TIAL1: variants seen among roughly 807,000 people sequenced by gnomAD.
TIAL1 encodes the protein nucleolysin TIAR.
TIAL1 carries 7 observed loss-of-function variants against 59.7 expected under a neutral mutation model. The ratio of observed to expected loss-of-function variants is 0.12; its 90% CI spans 0.07 to 0.22. The LOEUF is 0.22. TIAL1 is among the 10% of genes least tolerant of loss of function. TIAL1 has a pLI of 1.00. For missense variants in TIAL1, 225 were observed against 462.5 expected (o/e 0.49, Z 4.71); for synonymous variants, 149 against 146.3 (o/e 1.02, Z -0.13).
chr10:119,577,164 C>T lies in TIAL1; in HGVS notation c.777G>A (p.Ser259=), dbSNP rs762457694. 1.2e-5 allele frequency: 20 copies of T among 1,612,584 alleles called. No homozygotes were observed. The highest frequency in any genetic ancestry group is 1.5e-5 in the Non-Finnish European group (18 of 1,179,586). ...GTCCTTCAATCGTAGTACCGTTCACCGAAACAATGGCATGGGCTGCACTTT... is the reference window on the plus strand; with the variant it reads ...GTCCTTCAATCGTAGTACCGTTCACTGAAACAATGGCATGGGCTGCACTTT... The part of the protein sequence containing the change: ...THESAAHAIV[S]VNGTTIEGHV... The change falls in exon 10 of 12, where the codon TCG becomes TCA. Residue 259 remains serine, a synonymous_variant. Transcript: ENST00000436547.
chr10:119,577,453 G>A lies in TIAL1; in HGVS notation c.735C>T (p.Val245=). The change falls in exon 9 of 12, where the codon GTC becomes GTT. Residue 245 remains valine, a splice_region_variant and synonymous_variant. Coordinates refer to ENST00000436547, the MANE Select transcript of TIAL1 (RefSeq NM_003252.4). ...TGATATTTCAAGTAGAGTGTTACCT[G>A]ACAAATGAATAGCCCTTTTCTGGGA... The part of the protein sequence containing the change: ...RVFPEKGYSF[V]RFSTHESAAH... 6.2e-7 allele frequency: 1 copy of A among 1,610,846 alleles called. No homozygotes were observed. The highest frequency in any genetic ancestry group is 8.5e-7 in the Non-Finnish European group (1 of 1,177,642).
At chr10:119,595,494 C>A (rs1279686333) in intron 1 of TIAL1, among the ~76,000 whole-genome samples, 1 of 149,688 alleles carries the variant, frequency 6.7e-6, no homozygotes, top group Non-Finnish European at 1.5e-5. Context: ...GAAAGGAATG[C>A]AAATGCTGAG....
Position 119,581,930 on chromosome 10 carries a change from A to G in TIAL1, c.363T>C (p.Gly121=). 1 of 1,613,002 alleles carries G rather than the reference A, an allele frequency of 6.2e-7. No individual in the cohort carries two copies. Among genetic ancestry groups the G allele is most frequent in the East Asian group, 2.2e-5 (1 of 44,812 alleles). The change falls in exon 5 of 12, where the codon GGT becomes GGC. Residue 121 remains glycine (G), a synonymous_variant. Transcript: ENST00000436547. The stretch of plus-strand genomic sequence containing the variant: ...CTGATTATGATACTTACGATATTTT[A>G]CCAAAGGGGGCAAATGCTGATTTGA... ...EDIKSAFAPF[G]KISDARVVKD...
chr10:119,588,232 A>T lies in TIAL1; in HGVS notation c.49T>A (p.Ser17Thr). The T allele has an allele frequency of 6.3e-7, 1 of 1,586,866 alleles. No individual in the cohort carries two copies. ...QPRTLYVGNL[S>T]RDVTEVLILQ... ...ATAAGGACTTCTGTCACATCTCTGG[A>T]AAGGTTACCTACGTATCTGCACAAG... is the stretch of plus-strand genomic sequence containing the variant. The change falls in exon 2 of 12, where the codon TCC becomes ACC. Residue 17 changes from serine (S) to threonine (T), a missense_variant. By Grantham distance (58) the Ser-to-Thr change is moderately conservative. Transcript: ENST00000436547.
In TIAL1 at chr10:119,596,948, G is replaced by A. The variant is rs1846238820; in HGVS notation, c.-483C>T. Reference sequence around the variant, plus strand: ...GGGAATTGTGGTCCTGGAAATGAGAGAGGGAAGCACTTCTGCAGAGGACTT... The same window carrying A: ...GGGAATTGTGGTCCTGGAAATGAGAAAGGGAAGCACTTCTGCAGAGGACTT... On this transcript the variant is annotated 5_prime_UTR_variant, in exon 1 of 12. Coordinates refer to ENST00000436547, the MANE Select transcript of TIAL1 (RefSeq NM_003252.4). The A allele has an allele frequency of 5.7e-6, 1 of 176,654 alleles. No individual in the cohort carries two copies. Among genetic ancestry groups the A allele is most frequent in the Admixed American group, 5.5e-5 (1 of 18,032 alleles). The allele number at this position is 176,654 out of a possible 1,614,324, so 10.9% of individuals were successfully genotyped here. A position where few individuals can be genotyped will look rare whatever the true frequency, so the allele number is the denominator to read the frequency against.
At chr10:119,595,959 G>A (rs548266664) in intron 1 of TIAL1, among the ~76,000 whole-genome samples, 1 of 152,068 alleles carries the variant, frequency 6.6e-6, no homozygotes, top group South Asian at 2.1e-4. Context: ...GGGGAGAAGA[G>A]CTGGGAGCGA....
At chr10:119,583,826 G>A (rs1324498650) in intron 2 of TIAL1, among the ~76,000 whole-genome samples, 1 of 152,186 alleles carries the variant, frequency 6.6e-6, no homozygotes, top group South Asian at 2.1e-4. Context: ...TTGTAGCCAC[G>A]TGAATGCTGT....
In TIAL1 at chr10:119,575,425, CTTTA is replaced by C. The variant is rs774047928; in HGVS notation, c.*236_*239del. 36 of 364,764 alleles carry C rather than the reference CTTTA, an allele frequency of 9.9e-5. No homozygotes were observed. Among genetic ancestry groups the C allele is most frequent in the Middle Eastern group, 8.1e-4 (1 of 1,238 alleles). The allele number at this position is 364,764 out of a possible 1,614,324, so 22.6% of individuals were successfully genotyped here. A position where few individuals can be genotyped will look rare whatever the true frequency, so the allele number is the denominator to read the frequency against. On this transcript the variant is annotated 3_prime_UTR_variant, in exon 12 of 12. Coordinates refer to ENST00000436547, the MANE Select transcript of TIAL1 (RefSeq NM_003252.4). ...TTGTAGTCAGAATTGTCTTTATTGACTTTATTTTAGTTTTTGTACATAAAGAAAA... is the reference window on the plus strand; with the variant it reads ...TTGTAGTCAGAATTGTCTTTATTGACTTTTAGTTTTTGTACATAAAGAAAA...
chr10:119,575,740 T>A lies in TIAL1; in HGVS notation c.1053A>T (p.Gln351His). Residue 351 changes from glutamine (Q) to histidine (H), a missense_variant, in exon 12 of 12, where the codon CAA becomes CAT. By Grantham distance (24) the Gln-to-His change is conservative. Around this residue, in one of 4 missense-constraint regions of TIAL1, gnomAD observed 68 missense variants for 71.3 expected, o/e 0.95. Coordinates refer to ENST00000436547, the MANE Select transcript of TIAL1 (RefSeq NM_003252.4). ...WMGGFGAQPP[Q>H]GQAPPPVIPP... is the part of the protein sequence containing the mutation. ...GTATTACAGGGGGAGGAGCTTGTCC[T>A]TGGGGAGGCTGAGCACCAAATCCAC... 6.2e-7 allele frequency: 1 copy of A among 1,607,318 alleles called. No individual in the cohort carries two copies. Among genetic ancestry groups the A allele is most frequent in the Non-Finnish European group, 8.5e-7 (1 of 1,177,152 alleles).
At chr10:119,596,273 G>C (rs1456591105) in intron 1 of TIAL1, among the ~76,000 whole-genome samples, 161 bp downstream of exon 1, 2 of 152,174 alleles carry the variant, frequency 1.3e-5, no homozygotes, top group African/African-American at 4.8e-5. Context: ...TCCTTCCCAA[G>C]GAAAAGGGGA....
chr10:119,576,812 G>A, intron 10 of TIAL1, 62 bp from the exon 11 acceptor site: 2 of 1,585,948 alleles, frequency 1.3e-6, no homozygotes, highest in Non-Finnish European at 1.7e-6. Context: ...TGAAGAAAGA[G>A]TGGGAGACAA....
At position 119,596,753 on chromosome 10, in the gene TIAL1, A is replaced by G. The variant is rs1001655211; in HGVS notation, c.-288T>C. On this transcript the variant is annotated 5_prime_UTR_variant, in exon 1 of 12. Transcript: ENST00000436547. ...CAGGTCACCGCTCAGGCCAGCCGCG[A>G]CAGCCTGCAAGGGGGACGACCGAGG... The G allele has an allele frequency of 9.6e-6, 5 of 519,884 alleles. No homozygotes were observed. The highest frequency in any genetic ancestry group is 1.4e-5 in the Non-Finnish European group (4 of 289,906). The allele number at this position is 519,884 out of a possible 1,614,324, so 32.2% of individuals were successfully genotyped here.
chr10:119,593,902 A>G (rs1378323040), intron 1 of TIAL1, among the ~76,000 whole-genome samples: 1 of 152,224 alleles, frequency 6.6e-6, no homozygotes, highest in Non-Finnish European at 1.5e-5. Flanking sequence ...ATGTGACAGT[A>G]ATGTCTGCCT....
intron 2 of TIAL1, among the ~76,000 whole-genome samples, chr10:119,584,976 A>C (rs1006504180): frequency 2.6e-5 from 4 of 151,776 alleles, no homozygotes; most frequent in African/African-American, 9.7e-5. Context: ...AAAAAATATT[A>C]GCTGGGCATG....
chr10:119,585,609 T>C lies in TIAL1; in HGVS notation c.129+2543A>G, dbSNP rs371726687. ...GGATGTTATGAAAATTCATTTCGAGTCCCTCTACCCTTCAAATAGCTGTAT... is the reference window on the plus strand; with the variant it reads ...GGATGTTATGAAAATTCATTTCGAGCCCCTCTACCCTTCAAATAGCTGTAT... On this transcript the variant is annotated intron_variant, in intron 2 of 11. Transcript: ENST00000436547. Among the ~76,000 whole-genome samples the C allele has an allele frequency of 1.6e-3, 249 of 152,152 alleles. 3 individuals carry two copies. The South Asian group carries it at 0.043, about 26-fold the overall frequency.
rs183824129 is a variant in TIAL1, at chr10:119,574,952, T to A, written c.*713A>T. The A allele has an allele frequency of 1.1e-3, 169 of 152,742 alleles. No homozygotes were observed. Among genetic ancestry groups the A allele is most frequent in the African/African-American group, 3.8e-3 (159 of 41,572 alleles). 9.5% of individuals were successfully genotyped at this position (152,742 alleles called of 1,614,324 possible). On this transcript the variant is annotated 3_prime_UTR_variant, in exon 12 of 12. Coordinates refer to ENST00000436547, the MANE Select transcript of TIAL1 (RefSeq NM_003252.4). ...TTCAATACAAACACCATACTTGGAT[T>A]TCCCCCCAAAATGAAATGTAAAATA... is the stretch of plus-strand genomic sequence containing the variant.
chr10:119,585,521 CATAA>C lies in TIAL1; in HGVS notation c.129+2627_129+2630del, dbSNP rs370398506. Among the ~76,000 whole-genome samples, 430 of 151,388 alleles carry C rather than the reference CATAA, an allele frequency of 2.8e-3. 1 individual carries two copies. The highest frequency in any genetic ancestry group is 1.0e-2 in the African/African-American group (410 of 41,192). ...GTTGTCACCAATTTTTGTTGGATGACATAAATGTCAAGACAGAGAAATATGAGAC... is the reference window on the plus strand; with the variant it reads ...GTTGTCACCAATTTTTGTTGGATGACATGTCAAGACAGAGAAATATGAGAC... On this transcript the variant is annotated intron_variant, in intron 2 of 11. Transcript: ENST00000436547.
At chr10:119,579,325 G>A (rs1371246215) in intron 6 of TIAL1, among the ~76,000 whole-genome samples, 2 of 151,988 alleles carry the variant, frequency 1.3e-5, no homozygotes, top group Admixed American at 6.6e-5. Context: ...GCAACAGAGC[G>A]AGACTCTATC....
At chr10:119,595,972 C>T (rs937850038) in intron 1 of TIAL1, among the ~76,000 whole-genome samples, 3 of 151,898 alleles carry the variant, frequency 2.0e-5, no homozygotes, top group African/African-American at 7.3e-5. Flanking sequence ...GGGAGCGACT[C>T]GAGCTGAGGA....
Sources: allele counts gnomAD v4.1 joint callset (sites outside exome capture counted in the v4.1 genomes callset), GRCh38; gene constraint gnomAD v4.1.1; regional missense constraint gnomAD v4.1.1; transcripts MANE v1.5; gene names NCBI Gene and HGNC (gene_info 2026-07-23, HGNC 2026-07-21).